RNF180: variants seen among roughly 807,000 people sequenced by gnomAD.
RNF180 encodes the protein E3 ubiquitin-protein ligase RNF180.
In RNF180, 38 loss-of-function variants were observed where a neutral mutation model predicts 59.2. The ratio of observed to expected loss-of-function variants is 0.64; its 90% CI spans 0.50 to 0.84. The LOEUF (loss-of-function observed/expected upper bound fraction) is 0.84. Ranked by LOEUF, RNF180 falls within the 40% of genes least tolerant of loss-of-function variation. The probability of loss-of-function intolerance (pLI) is 0.00; values close to 1 mark genes in which losing one functional copy is unlikely to be tolerated. For synonymous variants in RNF180, 262 were observed against 240.3 expected (o/e 1.09, Z -0.84); for missense variants, 705 against 700.9 (o/e 1.01, Z -0.07).
chr5:64,284,733 T>C (rs975808678), intron 5 of RNF180, among the ~76,000 whole-genome samples: 1 of 152,236 alleles, frequency 6.6e-6, no homozygotes, highest in African/African-American at 2.4e-5. Context: ...TTTTATTGTA[T>C]TTCTTAGATT....
intron 5 of RNF180, among the ~76,000 whole-genome samples, chr5:64,225,385 G>GTT (rs1741627441): frequency 6.7e-6 from 1 of 149,666 alleles, no homozygotes; most frequent in Non-Finnish European, 1.5e-5. Flanking sequence ...TCTGGGAAGT[G>GTT]AGGAGCGCCT....
chr5:64,197,381 C>T (rs528398641), intron 1 of RNF180, among the ~76,000 whole-genome samples: 217 of 152,248 alleles, frequency 1.4e-3, no homozygotes, highest in African/African-American at 4.6e-3. Flanking sequence ...TCAAAGAATG[C>T]GGTCAAAACT....
In RNF180 at chr5:64,214,362, T is replaced by C. The variant is rs1463355749; in HGVS notation, c.1036T>C (p.Ser346Pro). Residue 346 changes from serine (S) to proline (P), a missense_variant, in exon 4 of 8, where the codon TCA becomes CCA. Physicochemically the swap from Ser to Pro is moderately conservative, Grantham distance 74. Transcript: ENST00000389100. ...AGCTGGCAGGAGCATGCCGGAGGCCTCAGACCAGGAAGAGCACCTCTCCCC... is the reference window on the plus strand; with the variant it reads ...AGCTGGCAGGAGCATGCCGGAGGCCCCAGACCAGGAAGAGCACCTCTCCCC... ...PSAGRSMPEA[S>P]DQEEHLSPLD... 6 of 1,613,964 alleles carry C rather than the reference T, an allele frequency of 3.7e-6. No homozygotes were observed. Among genetic ancestry groups the C allele is most frequent in the South Asian group, 1.1e-5 (1 of 91,090 alleles).
intron 1 of RNF180, among the ~76,000 whole-genome samples, chr5:64,193,383 A>G (rs1751282238): frequency 6.6e-6 from 1 of 152,176 alleles, no homozygotes; most frequent in Non-Finnish European, 1.5e-5. Context: ...TCTTGGGCAT[A>G]TACATATGTC....
At chr5:64,219,386 G>A (rs1052203936) in intron 5 of RNF180, among the ~76,000 whole-genome samples, 8 of 151,888 alleles carry the variant, frequency 5.3e-5, no homozygotes, top group African/African-American at 1.4e-4. Context: ...TGCCTCCGTC[G>A]TTGAAGAATA....
rs143118801 is a variant in RNF180, at chr5:64,175,213, C to T, written c.-1+9260C>T. Among the ~76,000 whole-genome samples the T allele has an allele frequency of 8.0e-3, 1,215 of 152,030 alleles. 19 individuals are homozygous for T. Among genetic ancestry groups the T allele is most frequent in the African/African-American group, 0.027 (1,118 of 41,454 alleles). The stretch of plus-strand genomic sequence containing the variant: ...AACTCCCAACTTCGGGTGATATGCC[C>T]GCCTCGGACTCCCAAAGAGCTGGGA... On this transcript the variant is annotated intron_variant, in intron 1 of 7. Transcript: ENST00000389100.
chr5:64,351,325 A>C (rs1419966642), intron 7 of RNF180, among the ~76,000 whole-genome samples: 3 of 151,992 alleles, frequency 2.0e-5, no homozygotes, highest in East Asian at 3.9e-4. Context: ...GGGTTTTCTA[A>C]ATATACAATC....
At chr5:64,187,557 GT>G (rs1177539586) in intron 1 of RNF180, among the ~76,000 whole-genome samples, 3 of 152,158 alleles carry the variant, frequency 2.0e-5, no homozygotes, top group Non-Finnish European at 2.9e-5. Context: ...GTGTTGGACA[GT>G]TTAAGTTCAT....
At chr5:64,288,845 A>T (rs1299716438) in intron 5 of RNF180, among the ~76,000 whole-genome samples, 1 of 152,186 alleles carries the variant, frequency 6.6e-6, no homozygotes, top group African/African-American at 2.4e-5. Context: ...AACAAAGATA[A>T]TTTGACTTCT....
At chr5:64,316,189 C>T (rs945724391) in intron 5 of RNF180, among the ~76,000 whole-genome samples, 5 of 152,258 alleles carry the variant, frequency 3.3e-5, no homozygotes, top group Non-Finnish European at 7.4e-5. Context: ...AGATCACAGG[C>T]ACATGTCACT....
intron 5 of RNF180, among the ~76,000 whole-genome samples, chr5:64,287,543 A>G (rs778341034): frequency 2.0e-5 from 3 of 152,160 alleles, no homozygotes; most frequent in Non-Finnish European, 4.4e-5. Context: ...ACTCCCATCA[A>G]CAGTGTAAAA....
chr5:64,170,723 TAAGAA>T lies in RNF180; in HGVS notation c.-1+4771_-1+4775del, dbSNP rs532081467. Among the ~76,000 whole-genome samples the T allele has an allele frequency of 1.2e-4, 18 of 152,286 alleles. No homozygotes were observed. In the East Asian group the frequency reaches 3.5e-3, roughly 29 times the overall value. On this transcript the variant is annotated intron_variant, in intron 1 of 7. Coordinates refer to ENST00000389100, the MANE Select transcript of RNF180 (RefSeq NM_001113561.2). ...ACCTGATTTTTTAAGGTCTGTGGCT[TAAGAA>T]GAGAAGCAGGTGGCATCAGGAGGTG...
At chr5:64,174,990 C>T (rs1386850090) in intron 1 of RNF180, among the ~76,000 whole-genome samples, 38 of 97,574 alleles carry the variant, frequency 3.9e-4, no homozygotes, top group African/African-American at 3.0e-4. Context: ...TTTTTTGAGA[C>T]GGAGTCTCGC....
At chr5:64,204,787 T>G (rs1751932180) in intron 2 of RNF180, among the ~76,000 whole-genome samples, 1 of 152,174 alleles carries the variant, frequency 6.6e-6, no homozygotes, top group East Asian at 1.9e-4. Flanking sequence ...TAGGCAAGTT[T>G]CCTTGTGTGC....
chr5:64,228,915 CTTTTTTTTTTTTT>C (rs373212886), intron 5 of RNF180, among the ~76,000 whole-genome samples: 2 of 98,490 alleles, frequency 2.0e-5, no homozygotes, highest in Admixed American at 1.2e-4. Context: ...TCTATTACTG[CTTTTTTTTTTTTT>C]TTTTTTTTTT....
rs1433597870 is a variant in RNF180, at chr5:64,227,404, C to A, written c.1227+10008C>A. Among the ~76,000 whole-genome samples the A allele has an allele frequency of 6.8e-4, 104 of 152,158 alleles. 2 individuals are homozygous for A. Among genetic ancestry groups the A allele is most frequent in the Non-Finnish European group, 3.5e-4 (24 of 68,034 alleles). On this transcript the variant is annotated intron_variant, in intron 5 of 7. Transcript: ENST00000389100. ...CTGTGGGGGGTCTGAAGGCTGCTGC[C>A]CAGCCACACATGTCCTGGTCCCGAA...
chr5:64,310,416 A>G (rs1743705574), intron 5 of RNF180, among the ~76,000 whole-genome samples: 1 of 151,684 alleles, frequency 6.6e-6, no homozygotes, highest in Non-Finnish European at 1.5e-5. Context: ...GTCATTGCTT[A>G]ATATATGTCT....
chr5:64,250,408 A>G (rs2112273295), intron 5 of RNF180, among the ~76,000 whole-genome samples: 1 of 152,256 alleles, frequency 6.6e-6, no homozygotes, highest in East Asian at 1.9e-4. Flanking sequence ...GAAGGAAGGA[A>G]ATAATATCAG....
intron 6 of RNF180, among the ~76,000 whole-genome samples, chr5:64,330,048 A>C (rs1033605862): frequency 6.6e-6 from 1 of 152,222 alleles, no homozygotes; most frequent in African/African-American, 2.4e-5. Context: ...GGAGCTACTC[A>C]GTAGATTTAT....
Sources: allele counts gnomAD v4.1 joint callset (sites outside exome capture counted in the v4.1 genomes callset), GRCh38; gene constraint gnomAD v4.1.1; transcripts MANE v1.5; gene names NCBI Gene and HGNC (gene_info 2026-07-23, HGNC 2026-07-21).